COMMD1: variants seen among roughly 807,000 people sequenced by gnomAD.
COMMD1 encodes COMM domain-containing protein 1.
In COMMD1, 10 loss-of-function variants were observed where a neutral mutation model predicts 17.2. The ratio of observed to expected loss-of-function variants is 0.58; its 90% CI spans 0.36 to 0.99. The LOEUF (loss-of-function observed/expected upper bound fraction) is 0.99, where lower values mean the gene tolerates loss of function less well. COMMD1 is among the 50% of genes least tolerant of loss of function. The pLI is 0.01. For missense variants in COMMD1, 270 were observed against 231.8 expected (o/e 1.17, Z -1.07); for synonymous variants, 97 against 91.6 (o/e 1.06, Z -0.34).
At chr2:62,070,562 A>AC (rs1558586113) in intron 2 of COMMD1, among the ~76,000 whole-genome samples, 1 of 151,418 alleles carries the variant, frequency 6.6e-6, no homozygotes, top group African/African-American at 2.4e-5. Flanking sequence ...AAAAAAAAAA[A>AC]AACAACTAAA....
chr2:61,908,622 G>A (rs184777214), intron 1 of COMMD1, among the ~76,000 whole-genome samples: 279 of 151,748 alleles, frequency 1.8e-3, no homozygotes, highest in African/African-American at 5.6e-3. Flanking sequence ...GTGCAGTGGC[G>A]TGATCTCAGC....
At chr2:62,122,936 G>T (rs1463018806) in intron 2 of COMMD1, among the ~76,000 whole-genome samples, 1 of 152,222 alleles carries the variant, frequency 6.6e-6, no homozygotes, top group Non-Finnish European at 1.5e-5. Context: ...AACCACAGCA[G>T]TAGGAGGGTA....
At chr2:62,107,761 TAA>T (rs1672356408) in intron 2 of COMMD1, among the ~76,000 whole-genome samples, 1 of 152,228 alleles carries the variant, frequency 6.6e-6, no homozygotes, top group South Asian at 2.1e-4. Context: ...TTTAGAACTC[TAA>T]GTTTTATGTG....
intron 2 of COMMD1, among the ~76,000 whole-genome samples, chr2:62,012,238 CAG>C (rs1404329888): frequency 8.1e-5 from 12 of 147,488 alleles, no homozygotes; most frequent in Admixed American, 2.0e-4. Flanking sequence ...GCCTGGGTGA[CAG>C]AGTGAGACCT....
chr2:62,124,575 A>G (rs1672840706), intron 2 of COMMD1, among the ~76,000 whole-genome samples: 1 of 151,966 alleles, frequency 6.6e-6, no homozygotes, highest in East Asian at 1.9e-4. Flanking sequence ...TTTGAGACAG[A>G]GTCTCACTCT....
chr2:62,059,553 C>G (rs1036768323), intron 2 of COMMD1, among the ~76,000 whole-genome samples: 3 of 152,000 alleles, frequency 2.0e-5, no homozygotes, highest in African/African-American at 7.2e-5. Context: ...TTTTTTCCCC[C>G]TTAAACATTA....
At chr2:61,964,137 T>C (rs1671444467) in intron 1 of COMMD1, among the ~76,000 whole-genome samples, 1 of 152,266 alleles carries the variant, frequency 6.6e-6, no homozygotes, top group East Asian at 1.9e-4. Context: ...TGCTTGCTTC[T>C]TAGCTGCCAT....
intron 2 of COMMD1, among the ~76,000 whole-genome samples, chr2:62,125,406 T>C (rs1443970465): frequency 6.6e-6 from 1 of 152,236 alleles, no homozygotes; most frequent in Admixed American, 6.5e-5. Flanking sequence ...CTAGACTGAC[T>C]GATGTCAGTC....
chr2:62,026,191 G>T (rs1454664567), intron 2 of COMMD1, among the ~76,000 whole-genome samples: 2 of 152,114 alleles, frequency 1.3e-5, no homozygotes, highest in African/African-American at 4.8e-5. Flanking sequence ...TTGCTATAAA[G>T]AAATACCTGA....
intron 1 of COMMD1, among the ~76,000 whole-genome samples, chr2:61,942,362 C>T (rs1670772498): frequency 6.6e-6 from 1 of 151,708 alleles, no homozygotes; most frequent in South Asian, 2.1e-4. Flanking sequence ...CCTCGGCCTC[C>T]CAAAGTGCTG....
chr2:62,087,274 T>C (rs1358433367), intron 2 of COMMD1, among the ~76,000 whole-genome samples: 2 of 152,142 alleles, frequency 1.3e-5, no homozygotes, highest in East Asian at 3.8e-4. Flanking sequence ...GATTTGGAGG[T>C]AGAGTCCGTG....
At chr2:62,047,467 CCTTT>C in intron 2 of COMMD1, among the ~76,000 whole-genome samples, 1 of 150,428 alleles carries the variant, frequency 6.6e-6, no homozygotes, top group East Asian at 1.9e-4. Flanking sequence ...TTTCTTTCTT[CCTTT>C]CTTTTTTTTT....
At chr2:62,110,218 C>T (rs1338651466) in intron 2 of COMMD1, among the ~76,000 whole-genome samples, 1 of 151,980 alleles carries the variant, frequency 6.6e-6, no homozygotes, top group Non-Finnish European at 1.5e-5. Context: ...TACAGGGGTG[C>T]ACCAACATGC....
intron 1 of COMMD1, among the ~76,000 whole-genome samples, chr2:61,910,192 T>C (rs1361291362): frequency 6.6e-6 from 1 of 152,130 alleles, no homozygotes; most frequent in Non-Finnish European, 1.5e-5. Flanking sequence ...GATAACATCC[T>C]ATAGATAAAT....
rs574108245 is a variant in COMMD1, at chr2:61,959,961, T to C, written c.181-40740T>C. On this transcript the variant is annotated intron_variant, in intron 1 of 2. Transcript: ENST00000311832. ...GGCTGTTAGTTTAAAACTTTTTTAA[T>C]TGGGTAAGGGGAACAGAACAAAGAA... Among the ~76,000 whole-genome samples the C allele has an allele frequency of 1.2e-3, 177 of 152,304 alleles. 1 individual carries two copies. The highest frequency in any genetic ancestry group is 4.0e-3 in the African/African-American group (167 of 41,570).
chr2:61,895,620 C>T (rs148540007), intron 1 of COMMD1, among the ~76,000 whole-genome samples: 179 of 152,242 alleles, frequency 1.2e-3, no homozygotes, highest in South Asian at 2.1e-3. Context: ...CAAAGAGACC[C>T]AGGGGTGATA....
chr2:62,000,651 C>T, intron 1 of COMMD1, 50 bp from the exon 2 acceptor site: 1 of 1,543,734 alleles, frequency 6.5e-7, no homozygotes, highest in Non-Finnish European at 8.9e-7. Flanking sequence ...CTATCTTTTT[C>T]TAATTACCTA....
At chr2:61,906,388 T>A (rs1333309993) in intron 1 of COMMD1, among the ~76,000 whole-genome samples, 1 of 152,232 alleles carries the variant, frequency 6.6e-6, no homozygotes, top group African/African-American at 2.4e-5. Context: ...AAAGGTGAAA[T>A]TAATATTTTA....
intron 2 of COMMD1, among the ~76,000 whole-genome samples, chr2:62,003,230 CA>C (rs755266437): frequency 3.1e-4 from 40 of 129,702 alleles, no homozygotes; most frequent in Non-Finnish European, 2.9e-4. Flanking sequence ...GGCGCTGTCT[CA>C]AAAAAAAAAA....
Sources: allele counts gnomAD v4.1 joint callset (sites outside exome capture counted in the v4.1 genomes callset), GRCh38; gene constraint gnomAD v4.1.1; transcripts MANE v1.5; gene names NCBI Gene and HGNC (gene_info 2026-07-23, HGNC 2026-07-21).